The following RIPOR2 variants were observed in gnomAD, a reference collection of about 807,000 sequenced individuals.
RIPOR2 encodes rho family-interacting cell polarization regulator 2.
RIPOR2 carries 39 observed loss-of-function variants against 114.5 expected under a neutral mutation model. The observed-to-expected ratio is 0.34, with a 90% CI of 0.26 to 0.44. The LOEUF (loss-of-function observed/expected upper bound fraction) is 0.44, where lower values mean the gene tolerates loss of function less well. RIPOR2 is among the 20% of genes least tolerant of loss of function. RIPOR2 has a pLI of 1.00. For missense variants in RIPOR2, 1,007 were observed against 1,255.1 expected, an observed-to-expected ratio of 0.80 and a Z score of 2.99; for synonymous variants, 445 against 484.4, an observed-to-expected ratio of 0.92 and a Z score of 1.07.
intron 5 of RIPOR2, among the ~76,000 whole-genome samples, chr6:24,870,114 A>C (rs1363039717): frequency 6.6e-6 from 1 of 152,260 alleles, no homozygotes; most frequent in Non-Finnish European, 1.5e-5. Context: ...AGTTTTCTTG[A>C]TAACTATAAA....
chr6:24,829,988 T>G (rs755240169), intron 17 of RIPOR2, among the ~76,000 whole-genome samples: 6 of 152,194 alleles, frequency 3.9e-5, no homozygotes, highest in Non-Finnish European at 7.3e-5. Flanking sequence ...ATTATTGAGA[T>G]GGAGTCTCAG....
In RIPOR2 at chr6:24,853,673, C is replaced by T. The variant is rs1763172833; in HGVS notation, c.716-1055G>A. On this transcript the variant is annotated intron_variant, in intron 8 of 21. Coordinates refer to ENST00000643898, the MANE Select transcript of RIPOR2 (RefSeq NM_001286445.3). ...ACCTTTAAAATAGGGTAACAGTGTC[C>T]ACTTCATAGAATTGTTTGTAAGGAC... Among the ~76,000 whole-genome samples, 3 of 152,264 alleles carry T rather than the reference C, an allele frequency of 2.0e-5. No individual in the cohort carries two copies. In the South Asian group the frequency reaches 6.2e-4, roughly 32 times the overall value.
intron 1 of RIPOR2, among the ~76,000 whole-genome samples, chr6:25,021,095 G>A (rs977021092): frequency 1.3e-5 from 2 of 152,104 alleles, no homozygotes; most frequent in African/African-American, 4.8e-5. Flanking sequence ...CTGACCTCAG[G>A]TGATCCACCC....
At chr6:25,038,183 AC>A (rs1240428732) in intron 1 of RIPOR2, among the ~76,000 whole-genome samples, 1 of 152,254 alleles carries the variant, frequency 6.6e-6, no homozygotes, top group African/African-American at 2.4e-5. Flanking sequence ...AAATGAGCAA[AC>A]AAAAAACCTA....
At chr6:24,859,044 G>C (rs1208223971) in intron 8 of RIPOR2, among the ~76,000 whole-genome samples, 1 of 152,136 alleles carries the variant, frequency 6.6e-6, no homozygotes, top group African/African-American at 2.4e-5. Flanking sequence ...TCATAACATG[G>C]AGTTAGAGGT....
rs896151184 is a variant in RIPOR2 at position 24,828,343 on chromosome 6, C to T, written c.2507-48G>A. 3.4e-6 allele frequency: 4 copies of T among 1,171,264 alleles called. No individual in the cohort carries two copies. In the African/African-American group the frequency reaches 7.0e-5, roughly 20 times the overall value. 72.6% of individuals were successfully genotyped at this position (1,171,264 alleles called of 1,614,324 possible). A position where few individuals can be genotyped will look rare whatever the true frequency, so the allele number is the denominator to read the frequency against. ...AAGCAGCTTTAGATAGATGACCATT[C>T]ATTCATTCATTCATTCAATAATTTT... On this transcript the variant is annotated intron_variant, in intron 17 of 21. Transcript: ENST00000643898.
intron 11 of RIPOR2, among the ~76,000 whole-genome samples, chr6:24,849,312 T>C (rs1168614093): frequency 6.6e-6 from 1 of 152,216 alleles, no homozygotes; most frequent in African/African-American, 2.4e-5. Context: ...TTGGGGATAT[T>C]CTATTTCAGT....
At chr6:24,874,177 T>C (rs2113892831) in intron 2 of RIPOR2, among the ~76,000 whole-genome samples, 1 of 152,294 alleles carries the variant, frequency 6.6e-6, no homozygotes, top group African/African-American at 2.4e-5. Flanking sequence ...ACCACAGGCA[T>C]GCACCACCAC....
intron 1 of RIPOR2, among the ~76,000 whole-genome samples, chr6:24,979,283 C>CTTTTTTTTTTTTTTTTTTTTTTTTTT (rs60372040): frequency 1.0e-5 from 1 of 99,462 alleles, no homozygotes; most frequent in African/African-American, 4.1e-5. Flanking sequence ...TAGGGAAATT[C>CTTTTTTTTTTTTTTTTTTTTTTTTTT]TTTTTTTTTT....
chr6:24,925,189 G>A (rs1034114885), intron 1 of RIPOR2, among the ~76,000 whole-genome samples: 1 of 152,190 alleles, frequency 6.6e-6, no homozygotes, highest in African/African-American at 2.4e-5. Context: ...AGTGCAGAAA[G>A]CCACTGACTC....
At chr6:24,951,105 G>A (rs1293016810) in intron 1 of RIPOR2, among the ~76,000 whole-genome samples, 1 of 152,196 alleles carries the variant, frequency 6.6e-6, no homozygotes, top group Admixed American at 6.5e-5. Context: ...AGAGACTTTA[G>A]AAGTTCATAT....
intron 1 of RIPOR2, among the ~76,000 whole-genome samples, chr6:24,975,674 C>T (rs1774008276): frequency 6.6e-6 from 1 of 152,038 alleles, no homozygotes; most frequent in African/African-American, 2.4e-5. Context: ...AATAATAATG[C>T]ATAGTATACT....
At chr6:24,827,165 T>C (rs1330341752) in intron 18 of RIPOR2, among the ~76,000 whole-genome samples, 1 of 152,166 alleles carries the variant, frequency 6.6e-6, no homozygotes, top group Non-Finnish European at 1.5e-5. Context: ...AAATAAGACT[T>C]TGTGGTCCTA....
At chr6:24,910,983 A>T (rs1156916581) in intron 1 of RIPOR2, 1 of 984,938 alleles carries the variant, frequency 1.0e-6, no homozygotes, top group African/African-American at 1.8e-5. Flanking sequence ...AGTCGGGTGG[A>T]CGCGAGCTGT....
chr6:24,865,578 C>T lies in RIPOR2; in HGVS notation c.502-128G>A. The T allele has an allele frequency of 1.2e-5, 9 of 741,544 alleles. No homozygotes were observed. The South Asian group carries it at 2.2e-4, about 18-fold the overall frequency. The allele number at this position is 741,544 out of a possible 1,614,324, so 45.9% of individuals were successfully genotyped here. ...AAAGAGAATCCTGTAGAAGTATTAT[C>T]CTTTTAGATAGGGACCAATCGTTTT... is the stretch of plus-strand genomic sequence containing the variant. On this transcript the variant is annotated intron_variant, in intron 6 of 21. Transcript: ENST00000643898.
chr6:24,808,668 G>T (rs1562208031), intron 21 of RIPOR2, among the ~76,000 whole-genome samples: 2 of 151,888 alleles, frequency 1.3e-5, no homozygotes, highest in South Asian at 4.2e-4. Flanking sequence ...GTATTGATTG[G>T]ATTATGTCTG....
chr6:25,028,885 G>C (rs949046050), intron 1 of RIPOR2, among the ~76,000 whole-genome samples: 6 of 152,224 alleles, frequency 3.9e-5, no homozygotes, highest in Admixed American at 6.5e-5. Context: ...ATTTGATGTG[G>C]GATGAGGTAA....
intron 1 of RIPOR2, among the ~76,000 whole-genome samples, chr6:24,959,075 C>T (rs182207736): frequency 1.3e-5 from 2 of 151,930 alleles, no homozygotes; most frequent in Non-Finnish European, 2.9e-5. Context: ...TTTGATCTTA[C>T]AAACTTCTGG....
chr6:25,025,252 GA>G (rs34646697), intron 1 of RIPOR2, among the ~76,000 whole-genome samples: 315 of 152,226 alleles, frequency 2.1e-3, no homozygotes, highest in African/African-American at 5.9e-3. Context: ...GTCAAGGGGG[GA>G]AAAAGGTAAT....
Sources: allele counts gnomAD v4.1 joint callset (sites outside exome capture counted in the v4.1 genomes callset), GRCh38; gene constraint gnomAD v4.1.1; transcripts MANE v1.5; gene names NCBI Gene and HGNC (gene_info 2026-07-23, HGNC 2026-07-21).